The following ANKRD44 variants were observed in gnomAD, a reference collection of about 807,000 sequenced individuals.
ANKRD44 encodes ankyrin repeat domain 44, also known as serine/threonine-protein phosphatase 6 regulatory ankyrin repeat subunit B.
ANKRD44 carries 35 observed loss-of-function variants against 116.0 expected under a neutral mutation model. The observed-to-expected ratio is 0.30, with a 90% CI of 0.23 to 0.40. The LOEUF is 0.40. Ranked by LOEUF, ANKRD44 falls within the 10% of genes least tolerant of loss-of-function variation. ANKRD44 has a pLI of 1.00. For synonymous variants in ANKRD44, 435 were observed against 461.8 expected (o/e 0.94, Z 0.74); for missense variants, 1,014 against 1,242.6 (o/e 0.82, Z 2.77).
chr2:197,114,049 C>T (rs1030529096), intron 8 of ANKRD44, among the ~76,000 whole-genome samples: 1 of 152,114 alleles, frequency 6.6e-6, no homozygotes, highest in Admixed American at 6.5e-5. Context: ...AAGGATAATA[C>T]TTTTTATATA....
chr2:197,284,356 A>C (rs2083345885), intron 1 of ANKRD44, among the ~76,000 whole-genome samples: 1 of 152,140 alleles, frequency 6.6e-6, no homozygotes, highest in South Asian at 2.1e-4. Context: ...CCTCACCATG[A>C]AAATCAAACA....
intron 1 of ANKRD44, among the ~76,000 whole-genome samples, chr2:197,240,336 C>T (rs112936463): frequency 4.9e-5 from 7 of 142,464 alleles, no homozygotes; most frequent in African/African-American, 1.6e-4. Flanking sequence ...GATCGCACCA[C>T]TGCACTCTAG....
In ANKRD44 at chr2:197,310,730, TC is replaced by T. The variant is rs1325951819; in HGVS notation, c.-127del. 2.1e-6 allele frequency: 2 copies of T among 933,742 alleles called. No individual in the cohort carries two copies. The highest frequency in any genetic ancestry group is 2.8e-6 in the Non-Finnish European group (2 of 720,354). The allele number at this position is 933,742 out of a possible 1,614,324, so 57.8% of individuals were successfully genotyped here. A position where few individuals can be genotyped will look rare whatever the true frequency, so the allele number is the denominator to read the frequency against. On this transcript the variant is annotated 5_prime_UTR_variant, in exon 1 of 28. Coordinates refer to ENST00000282272, the MANE Select transcript of ANKRD44 (RefSeq NM_001195144.2). ...ATCTGGCTCCCGAATTTGACAGCCC[TC>T]CCCCTGCTCCTCCTCCGCCGCCGCC...
At chr2:197,260,297 T>C (rs939722911) in intron 1 of ANKRD44, among the ~76,000 whole-genome samples, 1 of 152,138 alleles carries the variant, frequency 6.6e-6, no homozygotes, top group Non-Finnish European at 1.5e-5. Context: ...TGTGTTCTCA[T>C]TGTTCAATTC....
At position 197,283,804 on chromosome 2, in the gene ANKRD44, T is replaced by C. The variant is rs540548413; in HGVS notation, c.27+26774A>G. ...AGAAGCAATAAATGGGGGCAGGGAG[T>C]AAAGCTTGGGAACTATTCTATGTTA... On this transcript the variant is annotated intron_variant, in intron 1 of 27. Coordinates refer to ENST00000282272, the MANE Select transcript of ANKRD44 (RefSeq NM_001195144.2). 3.9e-5 allele frequency among the ~76,000 whole-genome samples: 6 copies of C among 152,128 alleles called. No homozygotes were observed. The South Asian group carries it at 8.3e-4, about 21-fold the overall frequency.
chr2:197,001,651 C>A, intron 22 of ANKRD44, 102 bp downstream of exon 22: 2 of 755,574 alleles, frequency 2.6e-6, no homozygotes, highest in East Asian at 5.5e-5. Flanking sequence ...ATATTTCAGT[C>A]TTATCTGTAA....
chr2:197,280,797 T>A (rs1034494798), intron 1 of ANKRD44, among the ~76,000 whole-genome samples: 1 of 152,208 alleles, frequency 6.6e-6, no homozygotes, highest in Non-Finnish European at 1.5e-5. Flanking sequence ...TAAAGTCACA[T>A]GTTACCACTC....
chr2:197,123,339 T>TA (rs2078901395), intron 6 of ANKRD44, among the ~76,000 whole-genome samples: 1 of 152,230 alleles, frequency 6.6e-6, no homozygotes, highest in African/African-American at 2.4e-5. Flanking sequence ...CCTCATGAAT[T>TA]AGAGGCCAAA....
intron 21 of ANKRD44, among the ~76,000 whole-genome samples, chr2:196,976,940 C>T (rs2075765292): frequency 6.6e-6 from 1 of 151,932 alleles, no homozygotes. Context: ...AATAGTTTTT[C>T]CACTGAAAAA....
intron 3 of ANKRD44, among the ~76,000 whole-genome samples, chr2:197,146,686 G>GT (rs2079513186): frequency 1.4e-5 from 2 of 147,122 alleles, no homozygotes; most frequent in African/African-American, 5.3e-5. Flanking sequence ...AGTGTGTATA[G>GT]GTGTATGTTC....
At chr2:197,215,453 A>T (rs2081423266) in intron 1 of ANKRD44, among the ~76,000 whole-genome samples, 1 of 152,186 alleles carries the variant, frequency 6.6e-6, no homozygotes, top group African/African-American at 2.4e-5. Flanking sequence ...CCAATGCCTC[A>T]GTGTAACATT....
Position 197,212,052 on chromosome 2 carries a change from T to TCACACACA in ANKRD44, c.28-24954_28-24947dup, listed in dbSNP as rs375445587. On this transcript the variant is annotated intron_variant, in intron 1 of 27. Coordinates refer to ENST00000282272, the MANE Select transcript of ANKRD44 (RefSeq NM_001195144.2). This position sits in a 1 kb window ranked among gnomAD's most constrained non-coding sequence, Gnocchi z 4.8. ...CTCTCTCTCTCAGTCTCTCTCTCTC[T>TCACACACA]CACACACACACACACACACACACCC... Among the ~76,000 whole-genome samples the TCACACACA allele has an allele frequency of 6.8e-6, 1 of 147,900 alleles. No homozygotes were observed. Among genetic ancestry groups the TCACACACA allele is most frequent in the Non-Finnish European group, 1.5e-5 (1 of 66,924 alleles).
chr2:197,309,386 G>A (rs1450264214), intron 1 of ANKRD44, among the ~76,000 whole-genome samples: 1 of 152,024 alleles, frequency 6.6e-6, no homozygotes, highest in African/African-American at 2.4e-5. Flanking sequence ...CACCAACCCC[G>A]CCAAACACCT....
At chr2:197,046,331 G>A (rs1158329821) in intron 16 of ANKRD44, among the ~76,000 whole-genome samples, 1 of 152,100 alleles carries the variant, frequency 6.6e-6, no homozygotes, top group Non-Finnish European at 1.5e-5. Context: ...TTCGTAATCG[G>A]CAAAATCTTT....
chr2:197,018,574 C>T (rs1370053351), intron 17 of ANKRD44, among the ~76,000 whole-genome samples: 1 of 152,156 alleles, frequency 6.6e-6, no homozygotes, highest in East Asian at 1.9e-4. Context: ...CCCCACTAAT[C>T]CTGCTTTCTT....
chr2:196,990,504 T>C, intron 27 of ANKRD44: 1 of 1,226,802 alleles, frequency 8.2e-7, no homozygotes, highest in Non-Finnish European at 1.0e-6. Flanking sequence ...ACTGGGGCCA[T>C]CTGTGTGACT....
intron 16 of ANKRD44, among the ~76,000 whole-genome samples, chr2:197,058,807 C>G (rs563003045): frequency 1.3e-5 from 2 of 152,344 alleles, no homozygotes; most frequent in South Asian, 4.1e-4. Flanking sequence ...CTGCAAAATA[C>G]TTGACTGCAT....
intron 9 of ANKRD44, among the ~76,000 whole-genome samples, chr2:197,106,338 G>C (rs2078426441): frequency 1.3e-5 from 2 of 152,120 alleles, no homozygotes; most frequent in South Asian, 4.1e-4. Context: ...CTAGCTACTT[G>C]AGAGGCTGAG....
chr2:197,209,633 T>C (rs936129168), intron 1 of ANKRD44, among the ~76,000 whole-genome samples: 6 of 152,254 alleles, frequency 3.9e-5, no homozygotes, highest in Admixed American at 3.9e-4. Flanking sequence ...ATCTGGATGA[T>C]CCACCAGTTA....
Sources: allele counts gnomAD v4.1 joint callset (sites outside exome capture counted in the v4.1 genomes callset), GRCh38; gene constraint gnomAD v4.1.1; non-coding constraint Gnocchi (gnomAD v3.1); transcripts MANE v1.5; gene names NCBI Gene and HGNC (gene_info 2026-07-23, HGNC 2026-07-21).